Variants in DMD observed in about 807,000 individuals in gnomAD.
DMD encodes the protein dystrophin.
A neutral mutation model predicts 330.1 loss-of-function variants in DMD; 63 were observed. The ratio of observed to expected loss-of-function variants is 0.19; its 90% CI spans 0.16 to 0.24. DMD has a LOEUF of 0.24. Among genes scored for constraint, DMD ranks in the 10% least tolerant of loss-of-function variants. The pLI, the probability that DMD is intolerant of heterozygous loss-of-function variation, is 1.00. For missense variants in DMD, 3,344 were observed against 2,684.1 expected (o/e 1.25, Z -5.43); for synonymous variants, 1,223 against 959.8 (o/e 1.27, Z -5.07).
At chrX:33,089,115 G>C (rs1309824511) in intron 1 of DMD, among the ~76,000 whole-genome samples, 2 of 101,618 alleles carry the variant, frequency 2.0e-5, no homozygotes, top group Non-Finnish European at 4.0e-5. Flanking sequence ...ACCCAGGCTG[G>C]AGTGCAGTGT....
At chrX:32,600,920 C>G (rs1342777735) in intron 12 of DMD, among the ~76,000 whole-genome samples, 6 of 111,231 alleles carry the variant, frequency 5.4e-5, no homozygotes, top group Non-Finnish European at 1.1e-4. Context: ...AAAAAAATCC[C>G]TAGATACTAA....
intron 12 of DMD, among the ~76,000 whole-genome samples, chrX:32,598,080 G>A (rs940733542): frequency 3.6e-5 from 4 of 112,055 alleles, no homozygotes; most frequent in African/African-American, 1.3e-4. Context: ...TCAAATGCAT[G>A]AGCATTTTTA....
chrX:32,674,166 T>G (rs2061814850), intron 9 of DMD, among the ~76,000 whole-genome samples: 1 of 111,760 alleles, frequency 8.9e-6, no homozygotes, highest in African/African-American at 3.2e-5. Context: ...TCTGTTTCAA[T>G]TTGGTTTCTT....
intron 43 of DMD, among the ~76,000 whole-genome samples, chrX:32,226,803 A>T (rs1001259882): frequency 9.0e-6 from 1 of 111,264 alleles, no homozygotes; most frequent in African/African-American, 3.3e-5. Flanking sequence ...TATTATCGAT[A>T]TTAATACAGT....
intron 30 of DMD, among the ~76,000 whole-genome samples, chrX:32,398,069 T>A (rs1389696116): frequency 3.6e-5 from 4 of 110,789 alleles, no homozygotes; most frequent in African/African-American, 1.3e-4. Flanking sequence ...ATATCACACG[T>A]ACTTAGAAAA....
At chrX:33,158,673 G>C (rs2048620740) in intron 1 of DMD, among the ~76,000 whole-genome samples, 1 of 111,585 alleles carries the variant, frequency 9.0e-6, no homozygotes, top group African/African-American at 3.3e-5. Context: ...GCCTGTTATG[G>C]AGCAGGCCTG....
At chrX:31,742,104 A>T (rs2087396810) in intron 51 of DMD, among the ~76,000 whole-genome samples, 1 of 112,033 alleles carries the variant, frequency 8.9e-6, no homozygotes, top group African/African-American at 3.2e-5. Context: ...AATTGCAGAG[A>T]ATTAGTCCTT....
At chrX:32,784,007 G>A (rs200450028) in intron 7 of DMD, among the ~76,000 whole-genome samples, 1 of 19,598 alleles carries the variant, frequency 5.1e-5, no homozygotes, top group Non-Finnish European at 7.6e-5. Context: ...GAGCGGGGGT[G>A]GGGGGGGGAA....
intron 55 of DMD, among the ~76,000 whole-genome samples, chrX:31,536,603 T>A (rs967786725): frequency 2.7e-5 from 3 of 111,335 alleles, no homozygotes; most frequent in African/African-American, 9.8e-5. Context: ...ACCTTCCTCA[T>A]CACTGGGCAT....
At chrX:31,655,312 G>A (rs775041664) in intron 54 of DMD, among the ~76,000 whole-genome samples, 1 of 111,027 alleles carries the variant, frequency 9.0e-6, no homozygotes, top group Non-Finnish European at 1.9e-5. Flanking sequence ...GGAAGGGTAG[G>A]GGGTGAGGGG....
chrX:31,484,275 T>C (rs2068618167), intron 57 of DMD, among the ~76,000 whole-genome samples: 1 of 112,033 alleles, frequency 8.9e-6, no homozygotes, highest in South Asian at 3.7e-4. Flanking sequence ...TTGGTTAATA[T>C]TTTAAACCAG....
chrX:32,910,732 C>T (rs907328188), intron 2 of DMD, among the ~76,000 whole-genome samples: 4 of 112,031 alleles, frequency 3.6e-5, no homozygotes, highest in African/African-American at 9.7e-5. Flanking sequence ...TGAGCCACCG[C>T]GCCCCGCCCT....
chrX:32,913,883 C>G (rs754491566), intron 2 of DMD, among the ~76,000 whole-genome samples: 1 of 111,966 alleles, frequency 8.9e-6, no homozygotes, highest in African/African-American at 3.2e-5. Flanking sequence ...TACAGCATTC[C>G]TCAGAGGGGT....
rs1045211420 is a variant in DMD at position 31,742,563 on chromosome X, A to C, written c.7543-12815T>G. On this transcript the variant is annotated intron_variant, in intron 51 of 78. Coordinates refer to ENST00000357033, the MANE Select transcript of DMD (RefSeq NM_004006.3). ...GAACACACAAAACATTGATTGATTA[A>C]GTTTGCCATCTTATGAAAATAAGTA... Among the ~76,000 whole-genome samples the C allele has an allele frequency of 3.6e-5, 4 of 111,747 alleles. No homozygotes were observed. The Admixed American group carries it at 3.8e-4, about 11-fold the overall frequency.
intron 44 of DMD, among the ~76,000 whole-genome samples, chrX:32,033,653 G>GAAAGAAGAAAGAAAGAAGAAAGA (rs201179363): frequency 3.4e-5 from 2 of 59,097 alleles, no homozygotes; most frequent in African/African-American, 1.4e-4. Context: ...AAGAAAGAAA[G>GAAAGAAGAAAGAAAGAAGAAAGA]AAGAAAGAAA....
At position 32,491,285 on chromosome X, in the gene DMD, T is replaced by G; in HGVS notation, c.2614A>C (p.Ile872Leu). Residue 872 changes from isoleucine to leucine, a missense_variant, in exon 20 of 79, where the codon ATT (isoleucine) becomes CTT (leucine). Physicochemically the swap from Ile to Leu is conservative, Grantham distance 5. Transcript: ENST00000357033. ...GGAGAAGAGATTCTTACCTTACAAA[T>G]TTTTAACTGACTTTTAATTGCTGTT... Reference protein sequence around the residue: ...EPTAIKSQLKICKDEVNRLSD... With the variant: ...EPTAIKSQLKLCKDEVNRLSD... 1 of 1,211,845 alleles carries G rather than the reference T, an allele frequency of 8.3e-7. No homozygotes were observed. The highest frequency in any genetic ancestry group is 1.7e-5 in the African/African-American group (1 of 57,878).
intron 47 of DMD, among the ~76,000 whole-genome samples, chrX:31,910,657 G>A (rs981431397): frequency 2.7e-5 from 3 of 112,129 alleles, no homozygotes. Flanking sequence ...GGCCAAGATG[G>A]ATCTTGTTTG....
chrX:31,383,124 CTCCTGGCTCT>C (rs1237312924), intron 60 of DMD, among the ~76,000 whole-genome samples: 4 of 111,677 alleles, frequency 3.6e-5, no homozygotes, highest in South Asian at 3.8e-4. Context: ...GAAATTCCTT[CTCCTGGCTCT>C]TCCTGGCTCA....
At chrX:32,212,238 G>T (rs1171476854) in intron 44 of DMD, among the ~76,000 whole-genome samples, 1 of 112,001 alleles carries the variant, frequency 8.9e-6, no homozygotes, top group Admixed American at 9.5e-5. Flanking sequence ...GAGCCCTTAT[G>T]CTTTGAGAAG....
Sources: gnomAD v4.1 joint callset for allele counts (sites outside exome capture counted in the v4.1 genomes callset) on GRCh38, gnomAD v4.1.1 for gene constraint, MANE v1.5 for transcripts, NCBI Gene and HGNC (gene_info 2026-07-23, HGNC 2026-07-21) for gene names.